Variants in ATP13A3 observed in about 807,000 individuals in gnomAD.
ATP13A3 encodes polyamine-transporting ATPase 13A3.
A neutral mutation model predicts 158.1 loss-of-function variants in ATP13A3; 59 were observed. The ratio of observed to expected loss-of-function variants is 0.37; its 90% CI spans 0.30 to 0.46. The LOEUF is 0.46. Among genes scored for constraint, ATP13A3 ranks in the 20% least tolerant of loss-of-function variants. The pLI, the probability that ATP13A3 is intolerant of heterozygous loss-of-function variation, is 1.00. For missense variants in ATP13A3, 1,166 were observed against 1,525.2 expected (o/e 0.76, Z 3.92); for synonymous variants, 491 against 504.3 (o/e 0.97, Z 0.35).
chr3:194,447,775 C>A (rs2108896321), intron 13 of ATP13A3, 77 bp downstream of exon 13: 1 of 1,308,506 alleles, frequency 7.6e-7, no homozygotes, highest in African/African-American at 1.5e-5. Context: ...TTCTCAGTAG[C>A]CACATTTCAA....
At chr3:194,475,731 A>G (rs970268851) in intron 2 of ATP13A3, among the ~76,000 whole-genome samples, 2 of 152,026 alleles carry the variant, frequency 1.3e-5, no homozygotes, top group South Asian at 4.2e-4. Context: ...ACACACACAC[A>G]CGCACACAGA....
intron 7 of ATP13A3, among the ~76,000 whole-genome samples, chr3:194,456,807 C>A (rs1719262939): frequency 6.6e-6 from 1 of 152,098 alleles, no homozygotes; most frequent in Non-Finnish European, 1.5e-5. Context: ...CTCTATGACA[C>A]ATCCCAATCT....
chr3:194,472,676 T>C (rs981986475), intron 2 of ATP13A3, among the ~76,000 whole-genome samples: 1 of 152,136 alleles, frequency 6.6e-6, no homozygotes, highest in Non-Finnish European at 1.5e-5. Context: ...TAAATCGTTC[T>C]ACAAAAAAGA....
At chr3:194,473,715 C>T (rs1217274190) in intron 2 of ATP13A3, among the ~76,000 whole-genome samples, 1 of 151,936 alleles carries the variant, frequency 6.6e-6, no homozygotes, top group East Asian at 1.9e-4. Context: ...TATATAGGTA[C>T]ATAGGAACAA....
At chr3:194,482,764 G>A (rs1169166092) in intron 2 of ATP13A3, among the ~76,000 whole-genome samples, 3 of 152,102 alleles carry the variant, frequency 2.0e-5, no homozygotes, top group Non-Finnish European at 4.4e-5. Flanking sequence ...CTTGAGGCCA[G>A]GAGTTCTGAG....
At chr3:194,452,316 C>T (rs1301471058) in intron 10 of ATP13A3, 4 of 152,360 alleles carry the variant, frequency 2.6e-5, no homozygotes, top group Admixed American at 2.6e-4. Context: ...CATGGTAACA[C>T]CCTGTTTCTA....
chr3:194,462,918 AAC>A (rs1317294539), intron 2 of ATP13A3, among the ~76,000 whole-genome samples: 1 of 152,360 alleles, frequency 6.6e-6, no homozygotes, highest in African/African-American at 2.4e-5. Context: ...AGGAACTACT[AAC>A]AGAGTCTTCC....
chr3:194,468,665 T>C lies in ATP13A3; in HGVS notation c.-46-6429A>G, dbSNP rs143044189. On this transcript the variant is annotated intron_variant, in intron 2 of 33. Coordinates refer to ENST00000645319, the MANE Select transcript of ATP13A3 (RefSeq NM_001367549.1). ...TTTCTCAAGAGTTGTAACAATATTA[T>C]AATAGTGAGTGTGGAGAGTGTTGAA... Among the ~76,000 whole-genome samples, 4 of 152,276 alleles carry C rather than the reference T, an allele frequency of 2.6e-5. No homozygotes were observed. The East Asian group carries it at 5.8e-4, about 22-fold the overall frequency.
chr3:194,468,645 C>T (rs984827922), intron 2 of ATP13A3, among the ~76,000 whole-genome samples: 3 of 152,094 alleles, frequency 2.0e-5, no homozygotes, highest in African/African-American at 7.2e-5. Flanking sequence ...CTGAGTTTCT[C>T]AAGAGTTGTA....
At chr3:194,430,886 C>G (rs1361827786) in intron 24 of ATP13A3, 57 bp downstream of exon 24, 1 of 1,346,062 alleles carries the variant, frequency 7.4e-7, no homozygotes, top group Non-Finnish European at 1.0e-6. Flanking sequence ...TTTTCTGATG[C>G]TGAAATGAAA....
At chr3:194,455,072 G>A (rs913372948) in intron 8 of ATP13A3, among the ~76,000 whole-genome samples, 2 of 152,060 alleles carry the variant, frequency 1.3e-5, no homozygotes, top group Admixed American at 6.5e-5. Context: ...AACTTTTAAC[G>A]AAATTGAAAA....
chr3:194,429,898 C>A, intron 26 of ATP13A3, 124 bp from the exon 27 acceptor site: 1 of 1,022,858 alleles, frequency 9.8e-7, no homozygotes, highest in Non-Finnish European at 1.5e-6. Flanking sequence ...GCTTATCCAC[C>A]AAAAGAACTA....
chr3:194,440,881 TAAAC>T (rs1488270997), intron 16 of ATP13A3, among the ~76,000 whole-genome samples: 2 of 151,958 alleles, frequency 1.3e-5, no homozygotes, highest in African/African-American at 2.4e-5. Flanking sequence ...AAGGAAGTTA[TAAAC>T]AAACAAAAAC....
chr3:194,433,668 T>C (rs1717412473), intron 21 of ATP13A3, 104 bp downstream of exon 21: 2 of 1,427,004 alleles, frequency 1.4e-6, no homozygotes, highest in African/African-American at 2.9e-5. Flanking sequence ...TTGAAACCAC[T>C]ATAGACTATA....
intron 29 of ATP13A3, 150 bp downstream of exon 29, chr3:194,426,925 C>G: frequency 1.4e-6 from 1 of 727,388 alleles, no homozygotes; most frequent in Non-Finnish European, 2.2e-6. Flanking sequence ...CTCAAGTGAT[C>G]TACCTGCCTC....
intron 31 of ATP13A3, among the ~76,000 whole-genome samples, chr3:194,415,341 G>A (rs1715755137): frequency 6.6e-6 from 1 of 152,162 alleles, no homozygotes; most frequent in African/African-American, 2.4e-5. Context: ...TGTGGGAGGT[G>A]AGCTGAATGT....
chr3:194,415,664 T>TTTTTTTTTTTTGG (rs1715789783), intron 31 of ATP13A3, among the ~76,000 whole-genome samples: 2 of 109,130 alleles, frequency 1.8e-5, no homozygotes, highest in African/African-American at 1.0e-4. Context: ...CCACATTCTT[T>TTTTTTTTTTTTGG]TTTTTTTTTT....
At chr3:194,457,898 G>C (rs1411570390) in intron 6 of ATP13A3, among the ~76,000 whole-genome samples, 2 of 148,874 alleles carry the variant, frequency 1.3e-5, no homozygotes, top group African/African-American at 5.0e-5. Context: ...CCATTCTCCT[G>C]CCTCAGCCTC....
upstream of ATP13A3, chr3:194,487,003 C>CAGGA (rs1721024440): frequency 2.0e-5 from 3 of 148,590 alleles, no homozygotes; most frequent in Non-Finnish European, 4.6e-5. Flanking sequence ...GCTCAGGACT[C>CAGGA]CCGCGCCGGA....
Sources: allele counts gnomAD v4.1 joint callset (sites outside exome capture counted in the v4.1 genomes callset), GRCh38; gene constraint gnomAD v4.1.1; transcripts MANE v1.5; gene names NCBI Gene and HGNC (gene_info 2026-07-23, HGNC 2026-07-21).